Variants in CIAO3 observed in about 807,000 individuals in gnomAD.
The protein encoded by CIAO3 is cytosolic iron-sulfur assembly component 3.
A neutral mutation model predicts 51.5 loss-of-function variants in CIAO3; 45 were observed. The observed-to-expected ratio is 0.87, with a 90% CI of 0.69 to 1.12. The LOEUF (loss-of-function observed/expected upper bound fraction) is 1.12, where lower values mean the gene tolerates loss of function less well. Ranked by LOEUF, CIAO3 falls within the 50% of genes most tolerant of loss-of-function variation. The probability of loss-of-function intolerance (pLI) is 0.00; values close to 1 mark genes in which losing one functional copy is unlikely to be tolerated. For missense variants in CIAO3, 668 were observed against 632.5 expected (o/e 1.06, Z -0.60); for synonymous variants, 314 against 269.3 (o/e 1.17, Z -1.63).
intron 7 of CIAO3, 141 bp downstream of exon 7, chr16:733,156 GA>G: frequency 9.2e-7 from 1 of 1,087,308 alleles, no homozygotes; most frequent in Non-Finnish European, 1.3e-6. Flanking sequence ...GGGGAGAGAC[GA>G]AGGTACGTGC....
Position 734,806 on chromosome 16 carries a change from ACTCTCGCTGG to A in CIAO3, c.495_504del (p.Gln166LeufsTer65). 6.2e-7 allele frequency: 1 copy of A among 1,604,506 alleles called. No homozygotes were observed. The highest frequency in any genetic ancestry group is 8.5e-7 in the Non-Finnish European group (1 of 1,173,850). ...GCCTGTCCTCGGAATCGCCGCACAA[ACTCTCGCTGG>A]CTCTCCAGGAGGCTGAAGTGCCTTG... On this transcript the variant is annotated frameshift_variant, in exon 5 of 11. Coordinates refer to ENST00000251588, the MANE Select transcript of CIAO3 (RefSeq NM_022493.3). LOFTEE classifies it high-confidence loss of function.
At chr16:739,915 G>A in intron 1 of CIAO3, 177 bp from the exon 2 acceptor site, 2 of 1,296,444 alleles carry the variant, frequency 1.5e-6, no homozygotes, top group Non-Finnish European at 2.1e-6. Flanking sequence ...CTCACCCAGG[G>A]ATCGGGTTCC....
rs200260851 is a variant in CIAO3, at chr16:730,592, T to G, written c.1256A>C (p.His419Pro). The G allele has an allele frequency of 6.3e-5, 101 of 1,610,940 alleles. 1 individual carries two copies. In the East Asian group the frequency reaches 2.0e-3, roughly 32 times the overall value. The change falls in exon 11 of 11, where the codon CAC becomes CCC. Residue 419 changes from histidine (H) to proline (P), a missense_variant. Coordinates refer to ENST00000251588, the MANE Select transcript of CIAO3 (RefSeq NM_022493.3). ...PDRPSRELLQ[H>P]VERLYGMVRA... Reference sequence around the variant, plus strand: ...GACCATGCCGTACAGTCTCTCCACGTGCTGGAGGAGCTCTCTGCTGGGCCT... The same window carrying G: ...GACCATGCCGTACAGTCTCTCCACGGGCTGGAGGAGCTCTCTGCTGGGCCT...
intron 8 of CIAO3, 78 bp downstream of exon 8, chr16:732,223 G>T: frequency 6.9e-7 from 1 of 1,459,398 alleles, no homozygotes; most frequent in Non-Finnish European, 9.4e-7. Flanking sequence ...GGGGAGGCAA[G>T]CCCAGAGCAG....
At chr16:730,810 G>A (rs1380842095) in intron 10 of CIAO3, 33 bp downstream of exon 10, 5 of 1,608,162 alleles carry the variant, frequency 3.1e-6, no homozygotes, top group Non-Finnish European at 4.2e-6. Flanking sequence ...CTCCCAGAAG[G>A]GGTCCTCGTG....
At position 730,591 on chromosome 16, in the gene CIAO3, G is replaced by A. The variant is rs753523131; in HGVS notation, c.1257C>T (p.His419=). The change falls in exon 11 of 11, where the codon CAC becomes CAT. Residue 419 remains histidine (H), a synonymous_variant. Coordinates refer to ENST00000251588, the MANE Select transcript of CIAO3 (RefSeq NM_022493.3). ...GGACCATGCCGTACAGTCTCTCCAC[G>A]TGCTGGAGGAGCTCTCTGCTGGGCC... ...PDRPSRELLQ[H]VERLYGMVRA... is the part of the protein sequence containing the mutation. 9 of 1,610,724 alleles carry A rather than the reference G, an allele frequency of 5.6e-6. No individual in the cohort carries two copies. Among genetic ancestry groups the A allele is most frequent in the African/African-American group, 5.3e-5 (4 of 74,956 alleles).
chr16:734,718 A>AC lies in CIAO3; in HGVS notation c.574+18dup. Reference sequence around the variant, plus strand: ...TGCACTTGAACTTGACTCTCCCACCACCCGCACCATGAGCACACCTGGGCA... The same window carrying AC: ...TGCACTTGAACTTGACTCTCCCACCACCCCGCACCATGAGCACACCTGGGCA... On this transcript the variant is annotated intron_variant, in intron 5 of 10. Transcript: ENST00000251588. The AC allele has an allele frequency of 1.2e-6, 2 of 1,612,184 alleles. No homozygotes were observed. Among genetic ancestry groups the AC allele is most frequent in the Non-Finnish European group, 1.7e-6 (2 of 1,179,680 alleles).
chr16:736,087 C>A (rs8047954), intron 4 of CIAO3, among the ~76,000 whole-genome samples, 179 bp downstream of exon 4: 7,535 of 152,152 alleles, frequency 0.05, 643 homozygotes, highest in African/African-American at 0.17. Context: ...GTGAGAAGGC[C>A]CTGCTCTCAA....
At chr16:736,166 C>A (rs1454002884) in intron 4 of CIAO3, 100 bp downstream of exon 4, 35 of 1,464,262 alleles carry the variant, frequency 2.4e-5, no homozygotes, top group Non-Finnish European at 3.2e-5. Context: ...AAGTTCAGGG[C>A]TGGGTAGCGT....
Position 732,296 on chromosome 16 carries a change from C to G in CIAO3, c.896+5G>C, listed in dbSNP as rs765890312. ...ATAACAGTTCTTGGTGGCAGACATA[C>G]GTACAGGCTGTCCAGAGGGGCTGGT... is the stretch of plus-strand genomic sequence containing the variant. On this transcript the variant is annotated splice_donor_5th_base_variant and intron_variant, in intron 8 of 10. Coordinates refer to ENST00000251588, the MANE Select transcript of CIAO3 (RefSeq NM_022493.3). 1 of 1,609,062 alleles carries G rather than the reference C, an allele frequency of 6.2e-7. No individual in the cohort carries two copies. Among genetic ancestry groups the G allele is most frequent in the Admixed American group, 1.7e-5 (1 of 59,856 alleles).
At chr16:734,105 T>A in intron 6 of CIAO3, 124 bp downstream of exon 6, 2 of 823,482 alleles carry the variant, frequency 2.4e-6, no homozygotes, top group South Asian at 2.8e-5. Flanking sequence ...AGGGTGGAGG[T>A]GTGCTGGGGA....
intron 6 of CIAO3, 103 bp from the exon 7 acceptor site, chr16:733,530 A>G: frequency 6.5e-7 from 1 of 1,535,630 alleles, no homozygotes; most frequent in Non-Finnish European, 8.9e-7. Context: ...ACCCCGAGGG[A>G]CAGTGAGCCT....
rs144124774 is a variant in CIAO3, at chr16:733,400, C to G, written c.721G>C (p.Val241Leu). The change falls in exon 7 of 11, where the codon GTC becomes CTC. Residue 241 changes from valine to leucine, a missense_variant. Coordinates refer to ENST00000251588, the MANE Select transcript of CIAO3 (RefSeq NM_022493.3). The part of the protein sequence containing the change: ...QHLTPDKIYH[V>L]TVMPCYDKKL... ...TTGTCATAGCAGGGCATCACTGTGA[C>G]GTGGTAGATCTTGTCAGGGGTCAAG... is the stretch of plus-strand genomic sequence containing the variant. 6.2e-7 allele frequency: 1 copy of G among 1,613,854 alleles called. No individual in the cohort carries two copies. The highest frequency in any genetic ancestry group is 1.7e-5 in the Admixed American group (1 of 60,026).
Position 737,618 on chromosome 16 carries a change from C to A in CIAO3, c.163-289G>T. 2 of 1,394,168 alleles carry A rather than the reference C, an allele frequency of 1.4e-6. No homozygotes were observed. The highest frequency in any genetic ancestry group is 1.9e-6 in the Non-Finnish European group (2 of 1,057,602). The allele number at this position is 1,394,168 out of a possible 1,614,324, so 86.4% of individuals were successfully genotyped here. ...GCAAAGCAGCAGCCACCCCACTCAC[C>A]CATGGGGCCCTGGACGGGGTGCTGG... On this transcript the variant is annotated intron_variant, in intron 2 of 10. Coordinates refer to ENST00000251588, the MANE Select transcript of CIAO3 (RefSeq NM_022493.3). The surrounding 1 kb of genome is among the most constrained non-coding windows in gnomAD (Gnocchi z 5.3).
chr16:740,474 G>T, intron 1 of CIAO3: 1 of 297,376 alleles, frequency 3.4e-6, no homozygotes, highest in Admixed American at 4.7e-5. Flanking sequence ...GCTGTGGCTT[G>T]GGGGTCCTGA....
intron 4 of CIAO3, 95 bp downstream of exon 4, chr16:736,171 T>C (rs2041335068): frequency 6.7e-7 from 1 of 1,484,978 alleles, no homozygotes; most frequent in Non-Finnish European, 9.3e-7. Context: ...CAGGGCTGGG[T>C]AGCGTGTCAG....
chr16:737,497 C>T lies in CIAO3; in HGVS notation c.163-168G>A, dbSNP rs749866934. ...TATGTATTACAAAAATGCACACGCA[C>T]GCTCTACAGTTTCATAATGCCGTCA... On this transcript the variant is annotated intron_variant, in intron 2 of 10. Coordinates refer to ENST00000251588, the MANE Select transcript of CIAO3 (RefSeq NM_022493.3). The surrounding 1 kb of genome is among the most constrained non-coding windows in gnomAD (Gnocchi z 5.3). 119 of 1,520,984 alleles carry T rather than the reference C, an allele frequency of 7.8e-5. No individual in the cohort carries two copies. Among genetic ancestry groups the T allele is most frequent in the African/African-American group, 5.8e-4 (42 of 72,734 alleles). 94.2% of individuals were successfully genotyped at this position (1,520,984 alleles called of 1,614,324 possible). A position where few individuals can be genotyped will look rare whatever the true frequency, so the allele number is the denominator to read the frequency against.
At position 730,545 on chromosome 16, in the gene CIAO3, C is replaced by A. The variant is rs144802616; in HGVS notation, c.1303G>T (p.Ala435Ser). 6.2e-6 allele frequency: 10 copies of A among 1,610,970 alleles called. No individual in the cohort carries two copies. Among genetic ancestry groups the A allele is most frequent in the Admixed American group, 1.7e-5 (1 of 60,032 alleles). The change falls in exon 11 of 11, where the codon GCG becomes TCG. Residue 435 changes from alanine to serine, a missense_variant. Transcript: ENST00000251588. ...GTGTACAGCTCCTGAACCCCAGGCG[C>A]GTCCTCGGGCGCCTCAGCCCGGACC... ...GMVRAEAPED[A>S]PGVQELYTHW...
intron 1 of CIAO3, chr16:740,408 C>G (rs2041379227): frequency 3.1e-6 from 1 of 319,420 alleles, no homozygotes; most frequent in Admixed American, 4.0e-5. Context: ...CGGGCCGCCC[C>G]TACTGCCCTC....
Sources: gnomAD v4.1 joint callset for allele counts (sites outside exome capture counted in the v4.1 genomes callset) on GRCh38, gnomAD v4.1.1 for gene constraint, Gnocchi (gnomAD v3.1) non-coding constraint, MANE v1.5 for transcripts, NCBI Gene and HGNC (gene_info 2026-07-23, HGNC 2026-07-21) for gene names.